CCDC146: variants seen among roughly 807,000 people sequenced by gnomAD.
The protein encoded by CCDC146 is coiled-coil domain containing 146, also known as coiled-coil domain-containing protein 146.
In CCDC146, 92 loss-of-function variants were observed where a neutral mutation model predicts 119.3. That is an observed-to-expected ratio of 0.77 (90% CI 0.65 to 0.92). CCDC146 has a LOEUF of 0.92. CCDC146 is among the 40% of genes least tolerant of loss of function. The pLI is 0.00. For missense variants in CCDC146, 1,000 were observed against 1,103.0 expected, an observed-to-expected ratio of 0.91 and a Z score of 1.32; for synonymous variants, 372 against 371.8, an observed-to-expected ratio of 1.00 and a Z score of -0.01.
chr7:77,129,279 T>C (rs1790749985), intron 1 of CCDC146, among the ~76,000 whole-genome samples: 1 of 152,088 alleles, frequency 6.6e-6, no homozygotes, highest in African/African-American at 2.4e-5. Context: ...CTGTTTTGGT[T>C]ATCAGATTTG....
chr7:77,168,877 C>T (rs1366733817), intron 2 of CCDC146, among the ~76,000 whole-genome samples: 1 of 151,928 alleles, frequency 6.6e-6, no homozygotes, highest in African/African-American at 2.4e-5. Flanking sequence ...CCCCTTTATA[C>T]CTAAATGCAT....
intron 1 of CCDC146, among the ~76,000 whole-genome samples, chr7:77,136,799 G>C (rs1348605854): frequency 1.3e-5 from 2 of 152,048 alleles, no homozygotes; most frequent in Admixed American, 1.3e-4. Context: ...TCTAGACAAA[G>C]ACCTTAAAGA....
chr7:77,171,668 G>A (rs1488137678), intron 2 of CCDC146, among the ~76,000 whole-genome samples: 1 of 152,152 alleles, frequency 6.6e-6, no homozygotes, highest in East Asian at 1.9e-4. Context: ...GAACCTGACG[G>A]CCTGCCCATC....
At chr7:77,173,202 AT>A (rs1275306515) in intron 2 of CCDC146, among the ~76,000 whole-genome samples, 1 of 151,706 alleles carries the variant, frequency 6.6e-6, no homozygotes, top group East Asian at 1.9e-4. Flanking sequence ...TTATCCCTTT[AT>A]TTTTTTTAAG....
chr7:77,242,596 A>G (rs988573956), intron 4 of CCDC146, among the ~76,000 whole-genome samples: 1 of 152,180 alleles, frequency 6.6e-6, no homozygotes, highest in African/African-American at 2.4e-5. Flanking sequence ...TCAGCAAGTC[A>G]TACTATTTAG....
At chr7:77,133,373 C>T (rs1034528022) in intron 1 of CCDC146, among the ~76,000 whole-genome samples, 3 of 151,988 alleles carry the variant, frequency 2.0e-5, no homozygotes, top group African/African-American at 7.2e-5. Context: ...TGTTTTGAGA[C>T]GGAGTCTCAC....
chr7:77,175,230 G>A (rs1394057494), intron 2 of CCDC146, among the ~76,000 whole-genome samples: 3 of 150,878 alleles, frequency 2.0e-5, no homozygotes, highest in South Asian at 2.1e-4. Context: ...TCGCCTAAGC[G>A]AAATAATTGG....
At chr7:77,136,801 C>T (rs1790866339) in intron 1 of CCDC146, among the ~76,000 whole-genome samples, 1 of 152,048 alleles carries the variant, frequency 6.6e-6, no homozygotes, top group South Asian at 2.1e-4. Flanking sequence ...TAGACAAAGA[C>T]CTTAAAGAAA....
At chr7:77,245,657 T>C (rs1010534582) in intron 4 of CCDC146, among the ~76,000 whole-genome samples, 1 of 152,170 alleles carries the variant, frequency 6.6e-6, no homozygotes, top group Non-Finnish European at 1.5e-5. Context: ...TTGTTGCACA[T>C]TCAGGGTTTA....
In CCDC146 at chr7:77,234,591, C is replaced by G. The variant is rs191543797; in HGVS notation, c.157-2356C>G. ...CTCTACTAAAATACAAAAAATTAGC[C>G]AGGTGTGGTGGCATGCGCCTGTAGT... On this transcript the variant is annotated intron_variant, in intron 2 of 18. Coordinates refer to ENST00000285871, the MANE Select transcript of CCDC146 (RefSeq NM_020879.3). Among the ~76,000 whole-genome samples the G allele has an allele frequency of 2.0e-4, 31 of 152,122 alleles. No individual in the cohort carries two copies. In the East Asian group the frequency reaches 6.0e-3, roughly 29 times the overall value.
At position 77,259,001 on chromosome 7, in the gene CCDC146, G is replaced by A. The variant is rs1284873115; in HGVS notation, c.691G>A (p.Val231Met). 1 of 1,610,988 alleles carries A rather than the reference G, an allele frequency of 6.2e-7. No individual in the cohort carries two copies. ...LGHQVVLKDE[V>M]AHHQTIPVQI... ...GATTTCGTTTCTTTACTAGGATGAAGTGGCCCACCATCAAACCATTCCAGT... is the reference window on the plus strand; with the variant it reads ...GATTTCGTTTCTTTACTAGGATGAAATGGCCCACCATCAAACCATTCCAGT... Residue 231 changes from valine to methionine, a missense_variant, in exon 7 of 19, where the codon GTG (valine) becomes ATG (methionine). Val to Met is a conservative substitution (Grantham distance 21). Transcript: ENST00000285871.
intron 4 of CCDC146, among the ~76,000 whole-genome samples, chr7:77,252,899 T>C (rs1233568963): frequency 1.3e-5 from 2 of 152,202 alleles, no homozygotes; most frequent in Admixed American, 1.3e-4. Flanking sequence ...ATTTGTTACT[T>C]ACTTCCACTC....
At chr7:77,276,392 C>T (rs1319515158) in intron 11 of CCDC146, among the ~76,000 whole-genome samples, 3 of 151,680 alleles carry the variant, frequency 2.0e-5, no homozygotes, top group Non-Finnish European at 4.4e-5. Flanking sequence ...TAGATTTTTG[C>T]AAAAAAGAGA....
At chr7:77,211,463 G>A (rs2150448900) in intron 2 of CCDC146, among the ~76,000 whole-genome samples, 1 of 152,118 alleles carries the variant, frequency 6.6e-6, no homozygotes, top group East Asian at 1.9e-4. Context: ...ATTGTTTCCA[G>A]TTTTCAACTA....
chr7:77,202,565 C>A (rs143811964), intron 2 of CCDC146, among the ~76,000 whole-genome samples: 99 of 152,298 alleles, frequency 6.5e-4, no homozygotes, highest in Middle Eastern at 3.4e-3. Context: ...TAGAGAACTC[C>A]TCTGTTGACC....
intron 3 of CCDC146, among the ~76,000 whole-genome samples, chr7:77,239,085 A>G (rs1054818649): frequency 6.6e-6 from 1 of 152,218 alleles, no homozygotes; most frequent in African/African-American, 2.4e-5. Context: ...TGAGTCTTCC[A>G]TAGAAACCAT....
At chr7:77,274,817 G>C (rs767255573) in intron 11 of CCDC146, among the ~76,000 whole-genome samples, 165 bp downstream of exon 11, 13 of 152,056 alleles carry the variant, frequency 8.5e-5, no homozygotes, top group Non-Finnish European at 1.6e-4. Flanking sequence ...TCATAGATGG[G>C]AATTGAACAA....
chr7:77,185,231 A>G (rs1458125706), intron 2 of CCDC146, among the ~76,000 whole-genome samples: 1 of 152,206 alleles, frequency 6.6e-6, no homozygotes, highest in Non-Finnish European at 1.5e-5. Context: ...ACAGCTGTTT[A>G]TCATTATCAG....
At chr7:77,164,979 G>A (rs1317555992) in intron 1 of CCDC146, among the ~76,000 whole-genome samples, 1 of 152,188 alleles carries the variant, frequency 6.6e-6, no homozygotes, top group Admixed American at 6.5e-5. Flanking sequence ...CAAGAGAAGA[G>A]TGTAAGTATA....
Sources: allele counts gnomAD v4.1 joint callset (sites outside exome capture counted in the v4.1 genomes callset), GRCh38; gene constraint gnomAD v4.1.1; transcripts MANE v1.5; gene names NCBI Gene and HGNC (gene_info 2026-07-23, HGNC 2026-07-21).